DGKB: variants seen among roughly 807,000 people sequenced by gnomAD.
DGKB encodes 90 kDa diacylglycerol kinase.
A neutral mutation model predicts 114.3 loss-of-function variants in DGKB; 67 were observed. The ratio of observed to expected loss-of-function variants is 0.59; its 90% CI spans 0.48 to 0.72. The LOEUF is 0.72. Among genes scored for constraint, DGKB ranks in the 30% least tolerant of loss-of-function variants. The probability of loss-of-function intolerance (pLI) is 0.00; values close to 1 mark genes in which losing one functional copy is unlikely to be tolerated. For missense variants in DGKB, 907 were observed against 975.2 expected, an observed-to-expected ratio of 0.93 and a Z score of 0.93; for synonymous variants, 398 against 323.1, an observed-to-expected ratio of 1.23 and a Z score of -2.49.
intron 23 of DGKB, among the ~76,000 whole-genome samples, chr7:14,198,618 T>G (rs1785362214): frequency 1.3e-5 from 2 of 152,052 alleles, no homozygotes; most frequent in South Asian, 4.1e-4. Context: ...GCTGCCAAAC[T>G]GGCTAAAAAA....
intron 2 of DGKB, among the ~76,000 whole-genome samples, chr7:14,787,372 C>A (rs938769956): frequency 6.6e-6 from 1 of 152,136 alleles, no homozygotes; most frequent in Non-Finnish European, 1.5e-5. Flanking sequence ...GAGAATGTCA[C>A]CCCTATCAAA....
chr7:14,940,429 G>A (rs935525959), intron 1 of DGKB, among the ~76,000 whole-genome samples: 2 of 150,672 alleles, frequency 1.3e-5, no homozygotes, highest in Admixed American at 6.6e-5. Context: ...CTATAATTCT[G>A]CTGAGAAGAA....
intron 20 of DGKB, among the ~76,000 whole-genome samples, chr7:14,570,680 G>A (rs1798250337): frequency 6.6e-6 from 1 of 152,032 alleles, no homozygotes; most frequent in Non-Finnish European, 1.5e-5. Context: ...TCATCATAAA[G>A]GTCTTTATCT....
chr7:14,485,572 A>T (rs2128921550), intron 20 of DGKB, among the ~76,000 whole-genome samples: 1 of 152,214 alleles, frequency 6.6e-6, no homozygotes, highest in African/African-American at 2.4e-5. Context: ...GGATTTGCTG[A>T]ATGGTACATG....
rs1001933956 is a variant in DGKB, at chr7:14,146,173, G to A, written c.*2958C>T. 2 of 152,086 alleles carry A rather than the reference G, an allele frequency of 1.3e-5. No homozygotes were observed. The highest frequency in any genetic ancestry group is 4.8e-5 in the African/African-American group (2 of 41,422). 9.4% of individuals were successfully genotyped at this position (152,086 alleles called of 1,614,324 possible). ...ATCAGCATTTTCACATGAAATACAT[G>A]GTGTACACAAGGAAGTGGAAAAAAT... On this transcript the variant is annotated 3_prime_UTR_variant, in exon 26 of 26. Transcript: ENST00000402815.
chr7:14,545,656 C>G (rs1159217872), intron 20 of DGKB, among the ~76,000 whole-genome samples: 1 of 152,214 alleles, frequency 6.6e-6, no homozygotes, highest in Non-Finnish European at 1.5e-5. Flanking sequence ...CTCACAATAG[C>G]TGCTCAGCAG....
chr7:14,159,664 T>G (rs1562496508), intron 25 of DGKB, among the ~76,000 whole-genome samples: 1 of 152,154 alleles, frequency 6.6e-6, no homozygotes, highest in Non-Finnish European at 1.5e-5. Context: ...AATGAATAAA[T>G]GAATCACTGA....
chr7:14,891,184 C>T (rs1309678982), intron 1 of DGKB, among the ~76,000 whole-genome samples: 2 of 151,274 alleles, frequency 1.3e-5, no homozygotes, highest in South Asian at 2.1e-4. Context: ...TGCGCGAAAC[C>T]GCTAATAGTA....
At chr7:14,170,007 G>A (rs1048668302) in intron 25 of DGKB, among the ~76,000 whole-genome samples, 1 of 151,590 alleles carries the variant, frequency 6.6e-6, no homozygotes. Context: ...GGTGGCACAT[G>A]CCTGTAATCC....
intron 13 of DGKB, among the ~76,000 whole-genome samples, chr7:14,656,790 A>T (rs990737412): frequency 1.3e-5 from 2 of 150,144 alleles, no homozygotes; most frequent in Non-Finnish European, 3.0e-5. Context: ...TATATATGGT[A>T]TATATATACA....
At chr7:14,442,876 G>A (rs1335696666) in intron 21 of DGKB, among the ~76,000 whole-genome samples, 1 of 151,900 alleles carries the variant, frequency 6.6e-6, no homozygotes, top group Admixed American at 6.6e-5. Flanking sequence ...AATCTATAAT[G>A]TACATATGAT....
At chr7:14,252,302 C>T (rs1795360300) in intron 23 of DGKB, among the ~76,000 whole-genome samples, 1 of 152,186 alleles carries the variant, frequency 6.6e-6, no homozygotes, top group Non-Finnish European at 1.5e-5. Flanking sequence ...TTTTGTCAGG[C>T]AGCTTGTAGT....
intron 1 of DGKB, among the ~76,000 whole-genome samples, chr7:14,959,669 T>G (rs1409795228): frequency 1.3e-5 from 2 of 151,850 alleles, no homozygotes; most frequent in Non-Finnish European, 2.9e-5. Flanking sequence ...ATTTAAGAAT[T>G]TCATTTCTGG....
intron 21 of DGKB, among the ~76,000 whole-genome samples, chr7:14,428,719 A>G (rs547851099): frequency 1.3e-5 from 2 of 152,224 alleles, no homozygotes; most frequent in East Asian, 3.9e-4. Context: ...AAATAGGTGC[A>G]CATGTGATTG....
intron 20 of DGKB, among the ~76,000 whole-genome samples, chr7:14,511,498 T>C (rs929827481): frequency 6.6e-6 from 1 of 152,202 alleles, no homozygotes; most frequent in Non-Finnish European, 1.5e-5. Context: ...GGATTTGACT[T>C]AAGGAAATGT....
At chr7:14,766,447 T>C (rs1466791392) in intron 2 of DGKB, among the ~76,000 whole-genome samples, 1 of 151,818 alleles carries the variant, frequency 6.6e-6, no homozygotes, top group Non-Finnish European at 1.5e-5. Flanking sequence ...CCCAGAGTTG[T>C]AGATTTGAGC....
chr7:14,319,708 G>A (rs1441427153), intron 23 of DGKB, among the ~76,000 whole-genome samples: 1 of 152,106 alleles, frequency 6.6e-6, no homozygotes, highest in Non-Finnish European at 1.5e-5. Context: ...ACTTGCCAGG[G>A]TGTGAAAGAT....
intron 1 of DGKB, among the ~76,000 whole-genome samples, chr7:14,887,806 A>T (rs1780552947): frequency 6.6e-6 from 1 of 151,776 alleles, no homozygotes; most frequent in Admixed American, 6.6e-5. Flanking sequence ...TGAAAATTTT[A>T]AAATATGCTA....
chr7:14,434,474 G>A (rs144265282), intron 21 of DGKB, among the ~76,000 whole-genome samples: 10 of 152,142 alleles, frequency 6.6e-5, no homozygotes, highest in Non-Finnish European at 1.3e-4. Flanking sequence ...GTTATGCAAT[G>A]TGAGATGAGT....
Sources: allele counts gnomAD v4.1 joint callset (sites outside exome capture counted in the v4.1 genomes callset), GRCh38; gene constraint gnomAD v4.1.1; transcripts MANE v1.5; gene names NCBI Gene and HGNC (gene_info 2026-07-23, HGNC 2026-07-21).